Variants in LRRC56 observed in about 807,000 individuals in gnomAD.
LRRC56 encodes leucine-rich repeat-containing protein 56.
LRRC56 carries 41 observed loss-of-function variants against 47.8 expected under a neutral mutation model. That is an observed-to-expected ratio of 0.86 (90% CI 0.67 to 1.11). The LOEUF (loss-of-function observed/expected upper bound fraction) is 1.11. LRRC56 is among the 50% of genes most tolerant of loss of function. The pLI, the probability that LRRC56 is intolerant of heterozygous loss-of-function variation, is 0.00. For missense variants in LRRC56, 759 were observed against 704.2 expected (o/e 1.08, Z -0.88); for synonymous variants, 387 against 311.2 (o/e 1.24, Z -2.56).
At chr11:537,088 C>G (rs527953941), upstream of LRRC56, 28 of 152,410 alleles carry the variant, frequency 1.8e-4, no homozygotes, top group African/African-American at 6.7e-4. Flanking sequence ...CCGTCGGCCT[C>G]ACTTCCAACC....
At chr11:553,624 G>A (rs753592158) in intron 13 of LRRC56, among the ~76,000 whole-genome samples, 11 of 152,170 alleles carry the variant, frequency 7.2e-5, no homozygotes, top group Non-Finnish European at 1.0e-4. Context: ...GGCCCGGGGC[G>A]GTCAGCCAGT....
intron 2 of LRRC56, among the ~76,000 whole-genome samples, chr11:539,149 T>C (rs1266217932): frequency 1.3e-5 from 2 of 152,310 alleles, no homozygotes; most frequent in South Asian, 2.1e-4. Context: ...GGTGCCATCT[T>C]GGCTCACTGC....
At chr11:522,459 G>A in the LRRC56 span, among the ~76,000 whole-genome samples, 2 of 152,068 alleles carry the variant, frequency 1.3e-5, no homozygotes, top group Non-Finnish European at 2.9e-5. Context: ...GTTGAGACGG[G>A]GTTTCACTGT....
intron 13 of LRRC56, among the ~76,000 whole-genome samples, chr11:552,995 G>A (rs767365272): frequency 5.9e-5 from 9 of 152,214 alleles, no homozygotes; most frequent in East Asian, 1.9e-4. Flanking sequence ...GAGTCCAGAG[G>A]AGTCGGGACA....
At chr11:546,010 C>T (rs1194330835) in intron 6 of LRRC56, among the ~76,000 whole-genome samples, 6 of 152,232 alleles carry the variant, frequency 3.9e-5, no homozygotes, top group African/African-American at 1.2e-4. Context: ...GTGTCTCACG[C>T]CTATAATCCC....
At chr11:553,392 C>G (rs751060607) in intron 13 of LRRC56, among the ~76,000 whole-genome samples, 5 of 152,148 alleles carry the variant, frequency 3.3e-5, no homozygotes, top group Non-Finnish European at 7.4e-5. Context: ...CAGGCCAAGC[C>G]TCTGCTCTTC....
At chr11:514,158 A>C in the LRRC56 span, among the ~76,000 whole-genome samples, 2 of 151,598 alleles carry the variant, frequency 1.3e-5, no homozygotes, top group Admixed American at 6.6e-5. Flanking sequence ...CACCCGGCTG[A>C]TTTTTTTCCA....
chr11:521,691 G>A, the LRRC56 span, among the ~76,000 whole-genome samples: 1 of 152,184 alleles, frequency 6.6e-6, no homozygotes, highest in Non-Finnish European at 1.5e-5. Context: ...GAGGCGGGCA[G>A]ATCACGAGGT....
chr11:538,315 C>T (rs546520131), intron 1 of LRRC56, among the ~76,000 whole-genome samples: 2 of 152,302 alleles, frequency 1.3e-5, no homozygotes, highest in South Asian at 2.1e-4. Flanking sequence ...CGCCAGCTCA[C>T]GCCCTCCATG....
chr11:534,394 C>T, upstream of LRRC56: 4 of 1,289,540 alleles, frequency 3.1e-6, no homozygotes, highest in Non-Finnish European at 4.4e-6. Flanking sequence ...GAGGGCCCTG[C>T]TCAGCCAGGC....
At chr11:552,844 GC>G (rs1280335278) in intron 13 of LRRC56, 142 bp downstream of exon 13, 4 of 753,510 alleles carry the variant, frequency 5.3e-6, no homozygotes, top group Non-Finnish European at 8.3e-6. Flanking sequence ...TAACAGGGAG[GC>G]CCCCTTCTGG....
chr11:511,096 C>A, the LRRC56 span, among the ~76,000 whole-genome samples: 1 of 151,870 alleles, frequency 6.6e-6, no homozygotes, highest in Non-Finnish European at 1.5e-5. Context: ...CCGAGGCGGG[C>A]GGATCACAAG....
chr11:550,043 G>GCCCT, intron 7 of LRRC56, 29 bp from the exon 8 acceptor site: 9 of 1,611,426 alleles, frequency 5.6e-6, no homozygotes, highest in Non-Finnish European at 7.6e-6. Flanking sequence ...GCTGGGCCGG[G>GCCCT]CCCTGGCTCA....
upstream of LRRC56, chr11:533,458 G>A (rs1554884750): frequency 1.2e-6 from 2 of 1,613,270 alleles, no homozygotes; most frequent in East Asian, 2.2e-5. Flanking sequence ...CTCACCTGCC[G>A]GGTCTTGGCC....
At chr11:513,655 T>C in the LRRC56 span, among the ~76,000 whole-genome samples, 1 of 152,004 alleles carries the variant, frequency 6.6e-6, no homozygotes, top group Non-Finnish European at 1.5e-5. Flanking sequence ...GAGAAATCTT[T>C]TGTGAAAGGA....
chr11:522,465 A>G, the LRRC56 span, among the ~76,000 whole-genome samples: 1 of 151,988 alleles, frequency 6.6e-6, no homozygotes, highest in African/African-American at 2.4e-5. Context: ...ACGGGGTTTC[A>G]CTGTGTTAGC....
Position 554,306 on chromosome 11 carries a change from C to T in LRRC56, c.*30C>T, listed in dbSNP as rs1852634303. 4 of 1,467,152 alleles carry T rather than the reference C, an allele frequency of 2.7e-6. No homozygotes were observed. The highest frequency in any genetic ancestry group is 1.4e-5 in the South Asian group (1 of 71,472). 90.9% of individuals were successfully genotyped at this position (1,467,152 alleles called of 1,614,324 possible). ...GCCCCCACTGCCAGGCTTCCCTGTGCTGGGGCCACGACTTGCCCACATATG... is the reference window on the plus strand; with the variant it reads ...GCCCCCACTGCCAGGCTTCCCTGTGTTGGGGCCACGACTTGCCCACATATG... On this transcript the variant is annotated 3_prime_UTR_variant, in exon 14 of 14. Transcript: ENST00000270115.
chr11:532,475 G>A, the LRRC56 span: 103 of 964,348 alleles, frequency 1.1e-4, 5 homozygotes, highest in South Asian at 1.2e-3. Flanking sequence ...TCCTCCTTCC[G>A]TCTGCACCTC....
At chr11:516,571 A>G in the LRRC56 span, among the ~76,000 whole-genome samples, 1 of 152,290 alleles carries the variant, frequency 6.6e-6, no homozygotes, top group South Asian at 2.1e-4. Flanking sequence ...ACGCAGTGAA[A>G]TTTATCACAG....
Sources: allele counts gnomAD v4.1 joint callset (sites outside exome capture counted in the v4.1 genomes callset), GRCh38; gene constraint gnomAD v4.1.1; transcripts MANE v1.5; gene names NCBI Gene and HGNC (gene_info 2026-07-23, HGNC 2026-07-21).